The following SPMIP11 variants were observed in gnomAD, a reference collection of about 807,000 sequenced individuals.
SPMIP11 encodes long intergenic non-protein coding RNA 935.
At chr12:48,750,716 T>C in the SPMIP11 span, among the ~76,000 whole-genome samples, 14 of 152,322 alleles carry the variant, frequency 9.2e-5, no homozygotes, top group African/African-American at 3.4e-4. Context: ...TCATCCCAAA[T>C]TCTATGTCCA....
At chr12:48,728,460 A>G in the SPMIP11 span, among the ~76,000 whole-genome samples, 7 of 151,964 alleles carry the variant, frequency 4.6e-5, no homozygotes, top group Non-Finnish European at 8.8e-5. Context: ...TGTAATCCCA[A>G]CACTTTGGGA....
the SPMIP11 span, among the ~76,000 whole-genome samples, chr12:48,729,438 G>T: frequency 1.3e-5 from 2 of 152,064 alleles, no homozygotes; most frequent in Non-Finnish European, 2.9e-5. Context: ...GGAGGCTGAG[G>T]CAGGAGAATT....
the SPMIP11 span, chr12:48,767,290 C>T: frequency 1.3e-5 from 2 of 152,640 alleles, no homozygotes; most frequent in African/African-American, 4.8e-5. Flanking sequence ...TCATGCTGCA[C>T]ACATGGCCCC....
chr12:48,750,455 T>C, the SPMIP11 span, among the ~76,000 whole-genome samples: 6 of 152,190 alleles, frequency 3.9e-5, no homozygotes, highest in Non-Finnish European at 7.4e-5. Context: ...TTATTTAACA[T>C]ATGGGCAGAA....
the SPMIP11 span, chr12:48,770,878 G>T: frequency 6.2e-7 from 1 of 1,614,236 alleles, no homozygotes; most frequent in Non-Finnish European, 8.5e-7. Flanking sequence ...CCACCTGATC[G>T]TAGGTGCTGG....
the SPMIP11 span, chr12:48,771,449 G>A: frequency 7.5e-5 from 45 of 599,388 alleles, no homozygotes; most frequent in Admixed American, 1.1e-3. This position sits in a 1 kb window ranked among gnomAD's most constrained non-coding sequence, Gnocchi z 4.3. Flanking sequence ...CATCCACCTG[G>A]TACCTATCCT....
chr12:48,735,808 C>T, the SPMIP11 span, among the ~76,000 whole-genome samples: 6 of 151,884 alleles, frequency 4.0e-5, no homozygotes, highest in Non-Finnish European at 7.4e-5. Flanking sequence ...TGCTTGAACC[C>T]GGGAGGTGGA....
At chr12:48,762,679 C>G in the SPMIP11 span, among the ~76,000 whole-genome samples, 155 of 151,676 alleles carry the variant, frequency 1.0e-3, 3 homozygotes, top group South Asian at 0.031. Flanking sequence ...TTATAACATT[C>G]TTAAAATGAC....
the SPMIP11 span, among the ~76,000 whole-genome samples, chr12:48,752,338 G>A: frequency 6.6e-6 from 1 of 151,914 alleles, no homozygotes; most frequent in Non-Finnish European, 1.5e-5. Flanking sequence ...TACAAAAAAC[G>A]CTGGCTGGCT....
the SPMIP11 span, among the ~76,000 whole-genome samples, chr12:48,759,524 T>C: frequency 6.6e-6 from 1 of 151,948 alleles, no homozygotes; most frequent in Admixed American, 6.6e-5. Context: ...CCATCTCTAC[T>C]AAAAATACAA....
At chr12:48,768,929 C>A in the SPMIP11 span, 1 of 1,604,152 alleles carries the variant, frequency 6.2e-7, no homozygotes, top group Non-Finnish European at 8.5e-7. Flanking sequence ...TGCTCATATC[C>A]CCCTCACCTG....
chr12:48,735,980 TATG>T, the SPMIP11 span: 5 of 222,574 alleles, frequency 2.2e-5, no homozygotes, highest in Admixed American at 5.8e-5. Context: ...AGAAAACTAA[TATG>T]ATATTAAATC....
At chr12:48,745,447 A>G in the SPMIP11 span, among the ~76,000 whole-genome samples, 1 of 152,146 alleles carries the variant, frequency 6.6e-6, no homozygotes, top group African/African-American at 2.4e-5. Flanking sequence ...TCTACTAAAA[A>G]TACAAAAAAA....
the SPMIP11 span, among the ~76,000 whole-genome samples, chr12:48,755,507 C>A: frequency 1.3e-5 from 2 of 152,170 alleles, no homozygotes; most frequent in East Asian, 1.9e-4. Context: ...TCGCCCTTCA[C>A]CCCAGGTACC....
At chr12:48,764,911 C>T in the SPMIP11 span, 1 of 702,966 alleles carries the variant, frequency 1.4e-6, no homozygotes, top group Non-Finnish European at 2.6e-6. Flanking sequence ...TTCTGGTGGT[C>T]CCATGATCCA....
chr12:48,754,260 C>T, the SPMIP11 span, among the ~76,000 whole-genome samples: 1 of 152,050 alleles, frequency 6.6e-6, no homozygotes, highest in Non-Finnish European at 1.5e-5. Flanking sequence ...TTTTAATTAG[C>T]CAGGCATGGT....
chr12:48,768,245 A>C, the SPMIP11 span: 3 of 370,758 alleles, frequency 8.1e-6, no homozygotes, highest in Admixed American at 4.1e-5. Context: ...CAGACAGGGA[A>C]GGGTAGGCAT....
At chr12:48,754,490 A>G in the SPMIP11 span, among the ~76,000 whole-genome samples, 5 of 151,312 alleles carry the variant, frequency 3.3e-5, no homozygotes, top group Admixed American at 2.6e-4. Flanking sequence ...TCGCTCTGTC[A>G]CCCAGGCTGG....
the SPMIP11 span, among the ~76,000 whole-genome samples, chr12:48,758,218 C>T: frequency 6.6e-6 from 1 of 152,060 alleles, no homozygotes; most frequent in Non-Finnish European, 1.5e-5. Context: ...TGTTGGGAAG[C>T]ACGTAAAAGC....
Sources: allele counts gnomAD v4.1 joint callset (sites outside exome capture counted in the v4.1 genomes callset), GRCh38; gene constraint gnomAD v4.1.1; non-coding constraint Gnocchi (gnomAD v3.1); transcripts MANE v1.5; gene names NCBI Gene and HGNC (gene_info 2026-07-23, HGNC 2026-07-21).